NEBL: variants seen among roughly 807,000 people sequenced by gnomAD.
NEBL encodes LIM and SH3 protein 2.
Under a neutral mutation model 140.2 loss-of-function variants are expected in NEBL, and 122 were observed. The ratio of observed to expected loss-of-function variants is 0.87; its 90% CI spans 0.75 to 1.01. The LOEUF is 1.01. NEBL is among the 50% of genes least tolerant of loss of function. NEBL has a pLI of 0.00. For missense variants in NEBL, 1,365 were observed against 1,231.3 expected, an observed-to-expected ratio of 1.11 and a Z score of -1.62; for synonymous variants, 436 against 398.9, an observed-to-expected ratio of 1.09 and a Z score of -1.11.
At chr10:21,184,152 T>A (rs184448035) in intron 3 of NEBL, among the ~76,000 whole-genome samples, 1 of 152,340 alleles carries the variant, frequency 6.6e-6, no homozygotes, top group East Asian at 1.9e-4. Context: ...CTGGCCCAAA[T>A]GAAAACTAAG....
intron 2 of NEBL, among the ~76,000 whole-genome samples, chr10:21,125,437 G>T (rs769591111): frequency 2.6e-5 from 4 of 152,156 alleles, no homozygotes; most frequent in Non-Finnish European, 5.9e-5. Flanking sequence ...GGGAAGTTGC[G>T]GAGGGGACTA....
intron 3 of NEBL, among the ~76,000 whole-genome samples, chr10:21,194,530 A>G (rs1841620294): frequency 6.6e-6 from 1 of 152,208 alleles, no homozygotes; most frequent in South Asian, 2.1e-4. Context: ...AATCTTTGTT[A>G]TTATGAGAAA....
intron 2 of NEBL, among the ~76,000 whole-genome samples, chr10:21,145,926 C>G (rs1839870096): frequency 6.6e-6 from 1 of 152,126 alleles, no homozygotes. Flanking sequence ...GCAGCTCGGG[C>G]CCATTGGGCA....
rs1291267220 is a variant in NEBL, at chr10:21,233,767, A to G, written n.348+14154T>C. ...TATATATTACATATAGATATATATT[A>G]CATATAAATGCATATATATGCATAT... On this transcript the variant is annotated intron_variant and non_coding_transcript_variant, in intron 3 of 8. Transcript: ENST00000675702. Among the ~76,000 whole-genome samples the G allele has an allele frequency of 1.2e-3, 164 of 141,132 alleles. 4 individuals carry two copies. Among genetic ancestry groups the G allele is most frequent in the South Asian group, 3.3e-3 (15 of 4,550 alleles). 92.6% of individuals were successfully genotyped at this position (141,132 alleles called of 152,430 possible). A position where few individuals can be genotyped will look rare whatever the true frequency, so the allele number is the denominator to read the frequency against.
At chr10:21,053,232 T>C (rs557342386) in intron 2 of NEBL, among the ~76,000 whole-genome samples, 156 of 152,320 alleles carry the variant, frequency 1.0e-3, no homozygotes, top group Non-Finnish European at 1.8e-3. Flanking sequence ...CTTGAGCATA[T>C]ACAATGTAAG....
chr10:20,864,498 A>T (rs1844061913), intron 7 of NEBL, among the ~76,000 whole-genome samples: 1 of 152,172 alleles, frequency 6.6e-6, no homozygotes, highest in South Asian at 2.1e-4. Flanking sequence ...TTTACAGATA[A>T]AAGGTGAGAA....
Position 20,950,772 on chromosome 10 carries a change from A to T in NEBL, c.357+10900T>A, listed in dbSNP as rs7917604. Among the ~76,000 whole-genome samples the T allele has an allele frequency of 7.6e-3, 1,152 of 152,346 alleles. 13 individuals carry two copies. Among genetic ancestry groups the T allele is most frequent in the African/African-American group, 0.026 (1,090 of 41,568 alleles). On this transcript the variant is annotated intron_variant, in intron 4 of 6. Transcript: ENST00000417816. ...CTCACACAATTACACAACAAAAATA[A>T]ATATTTCAATCACTTTGTTTATGGG...
chr10:20,856,442 A>C (rs979714832), intron 9 of NEBL, among the ~76,000 whole-genome samples: 1 of 152,184 alleles, frequency 6.6e-6, no homozygotes, highest in Non-Finnish European at 1.5e-5. Context: ...TGTCCCTAGG[A>C]AATTGAATTT....
chr10:20,852,431 T>C, intron 10 of NEBL, 114 bp downstream of exon 10: 1 of 749,894 alleles, frequency 1.3e-6, no homozygotes, highest in Non-Finnish European at 2.4e-6. Context: ...TCAGGATTTA[T>C]TCTTTTCTGC....
intron 18 of NEBL, 100 bp downstream of exon 18, chr10:20,826,347 T>C: frequency 1.1e-6 from 1 of 923,554 alleles, no homozygotes; most frequent in Non-Finnish European, 1.8e-6. Context: ...AAGTGAAGAA[T>C]AAAAGGAAAA....
chr10:21,147,112 A>G (rs573825382), intron 2 of NEBL, among the ~76,000 whole-genome samples: 9 of 152,272 alleles, frequency 5.9e-5, no homozygotes, highest in Admixed American at 2.0e-4. Context: ...TTCAGCACCT[A>G]TTAATAAAAT....
intron 4 of NEBL, among the ~76,000 whole-genome samples, chr10:20,936,649 G>A (rs1462948710): frequency 6.6e-6 from 1 of 152,198 alleles, no homozygotes; most frequent in Non-Finnish European, 1.5e-5. Flanking sequence ...AAGGCCAGCT[G>A]CCTCTTTCTT....
At chr10:21,223,031 G>A (rs1842094635) in intron 3 of NEBL, among the ~76,000 whole-genome samples, 1 of 152,324 alleles carries the variant, frequency 6.6e-6, no homozygotes, top group Non-Finnish European at 1.5e-5. Flanking sequence ...CCAAAGTGCT[G>A]GGATTACAGG....
At position 21,238,538 on chromosome 10, in the gene NEBL, GA is replaced by G. The variant is rs1210852318; in HGVS notation, n.348+9382del. Among the ~76,000 whole-genome samples the G allele has an allele frequency of 5.7e-3, 770 of 135,248 alleles. 4 individuals carry two copies. Among genetic ancestry groups the G allele is most frequent in the Middle Eastern group, 0.015 (4 of 272 alleles). 88.7% of individuals were successfully genotyped at this position (135,248 alleles called of 152,430 possible). A position where few individuals can be genotyped will look rare whatever the true frequency, so the allele number is the denominator to read the frequency against. On this transcript the variant is annotated intron_variant and non_coding_transcript_variant, in intron 3 of 8. Coordinates refer to the NEBL transcript ENST00000675702. The stretch of plus-strand genomic sequence containing the variant: ...AGCATGGTGAAACCCCATCTCTACT[GA>G]AAAAAAAAAAAAATACCAAAATTAG...
intron 2 of NEBL, among the ~76,000 whole-genome samples, chr10:21,039,070 T>C (rs553898709): frequency 6.9e-6 from 1 of 144,738 alleles, no homozygotes; most frequent in African/African-American, 2.5e-5. Flanking sequence ...GTTTTTTTTT[T>C]TTTTTTTTTT....
At position 21,061,023 on chromosome 10, in the gene NEBL, C is replaced by T. The variant is rs117011338; in HGVS notation, c.165-40822G>A. ...AGTCCTAACACCAGGTGCCTGGAAA[C>T]GTGACCTTATTTGGAAATAGGGTCT... On this transcript the variant is annotated intron_variant, in intron 2 of 6. Transcript: ENST00000417816. Among the ~76,000 whole-genome samples the T allele has an allele frequency of 6.9e-3, 1,055 of 151,806 alleles. 42 individuals are homozygous for T. The East Asian group carries it at 0.098, about 14-fold the overall frequency.
At chr10:20,978,926 T>C (rs1045816271) in intron 3 of NEBL, among the ~76,000 whole-genome samples, 1 of 152,138 alleles carries the variant, frequency 6.6e-6, no homozygotes, top group Non-Finnish European at 1.5e-5. Context: ...GCAATCTAAA[T>C]GTCTCAATAC....
chr10:21,227,723 C>G (rs1842182497), intron 3 of NEBL, among the ~76,000 whole-genome samples: 1 of 98,022 alleles, frequency 1.0e-5, no homozygotes, highest in African/African-American at 4.0e-5. Context: ...TCTTCTTCTT[C>G]TTCTTCTTCT....
chr10:20,804,138 G>A (rs1588639637), intron 26 of NEBL, among the ~76,000 whole-genome samples: 1 of 152,020 alleles, frequency 6.6e-6, no homozygotes, highest in East Asian at 1.9e-4. Context: ...GGCATGCAGA[G>A]AGAGACAAAT....
Sources: gnomAD v4.1 joint callset for allele counts (sites outside exome capture counted in the v4.1 genomes callset) on GRCh38, gnomAD v4.1.1 for gene constraint, MANE v1.5 for transcripts, NCBI Gene and HGNC (gene_info 2026-07-23, HGNC 2026-07-21) for gene names.